Variants in PREX1 observed in about 807,000 individuals in gnomAD.
PREX1 encodes phosphatidylinositol 3,4,5-trisphosphate-dependent Rac exchanger 1 protein.
In PREX1, 41 loss-of-function variants were observed where a neutral mutation model predicts 198.3. That is an observed-to-expected ratio of 0.21 (90% confidence interval 0.16 to 0.27). PREX1 has a LOEUF of 0.27. Ranked by LOEUF, PREX1 falls within the 10% of genes least tolerant of loss-of-function variation. The pLI, the probability that PREX1 is intolerant of heterozygous loss-of-function variation, is 1.00. For synonymous variants in PREX1, 843 were observed against 887.2 expected, an observed-to-expected ratio of 0.95 and a Z score of 0.89; for missense variants, 1,620 against 2,200.7, an observed-to-expected ratio of 0.74 and a Z score of 5.28.
the PREX1 span, among the ~76,000 whole-genome samples, chr20:48,846,005 T>C: frequency 6.6e-6 from 1 of 152,188 alleles, no homozygotes; most frequent in Non-Finnish European, 1.5e-5. Context: ...GCTAACACTT[T>C]GATAGTAGAT....
rs1010591409 is a variant in PREX1 at position 48,827,979 on chromosome 20, C to T, written c.-119G>A. 13 of 265,536 alleles carry T rather than the reference C, an allele frequency of 4.9e-5. No individual in the cohort carries two copies. Among genetic ancestry groups the T allele is most frequent in the Non-Finnish European group, 6.3e-5 (11 of 175,068 alleles). 16.4% of individuals were successfully genotyped at this position (265,536 alleles called of 1,614,324 possible). ...GCCGGGCTCAGCGGCGGGCCGGGCTCCCGGCGCGGCGGGCGGGACTGGGGG... is the reference window on the plus strand; with the variant it reads ...GCCGGGCTCAGCGGCGGGCCGGGCTTCCGGCGCGGCGGGCGGGACTGGGGG... On this transcript the variant is annotated 5_prime_UTR_variant, in exon 1 of 40. Transcript: ENST00000371941. The surrounding 1 kb of genome is among the most constrained non-coding windows in gnomAD (Gnocchi z 4.1).
At chr20:48,631,348 G>C (rs1293663191) in intron 35 of PREX1, among the ~76,000 whole-genome samples, 1 of 152,186 alleles carries the variant, frequency 6.6e-6, no homozygotes, top group East Asian at 1.9e-4. Context: ...AGACAAGGAG[G>C]GCCAGATTTT....
At chr20:48,870,516 G>A in the PREX1 span, among the ~76,000 whole-genome samples, 2 of 152,306 alleles carry the variant, frequency 1.3e-5, no homozygotes, top group South Asian at 2.1e-4. Context: ...GCAAAGTCAC[G>A]TGGAGCCTTT....
intron 1 of PREX1, among the ~76,000 whole-genome samples, chr20:48,812,794 C>T (rs2090442245): frequency 6.6e-6 from 1 of 152,128 alleles, no homozygotes; most frequent in Non-Finnish European, 1.5e-5. Context: ...CATGATCCAG[C>T]CCCCACATTT....
intron 1 of PREX1, among the ~76,000 whole-genome samples, chr20:48,755,214 C>T (rs1361687907): frequency 1.3e-5 from 2 of 152,118 alleles, no homozygotes; most frequent in Non-Finnish European, 2.9e-5. Flanking sequence ...CAAACAAGTA[C>T]ATAAAATATA....
chr20:48,772,845 G>A (rs1161567695), intron 1 of PREX1, among the ~76,000 whole-genome samples: 5 of 152,188 alleles, frequency 3.3e-5, no homozygotes, highest in South Asian at 4.1e-4. Context: ...AGGTCACTAC[G>A]TTCGCCGACC....
chr20:48,806,190 G>A, intron 1 of PREX1, among the ~76,000 whole-genome samples: 1 of 152,168 alleles, frequency 6.6e-6, no homozygotes, highest in Non-Finnish European at 1.5e-5. Flanking sequence ...TTGGGGGAGG[G>A]GCCAAACTGC....
chr20:48,802,994 G>A (rs540217766), intron 1 of PREX1, among the ~76,000 whole-genome samples: 55 of 152,318 alleles, frequency 3.6e-4, no homozygotes, highest in African/African-American at 9.6e-4. Flanking sequence ...TGGCATCAGC[G>A]TCTCATCTCC....
At chr20:48,641,530 G>C (rs753233851) in intron 29 of PREX1, among the ~76,000 whole-genome samples, 5 of 151,704 alleles carry the variant, frequency 3.3e-5, no homozygotes, top group Non-Finnish European at 5.9e-5. Flanking sequence ...CTCATACCTG[G>C]AATCCCAGCA....
chr20:48,742,110 C>G (rs928152579), intron 3 of PREX1, among the ~76,000 whole-genome samples: 1 of 152,112 alleles, frequency 6.6e-6, no homozygotes, highest in Non-Finnish European at 1.5e-5. Context: ...TCCTTGTGCC[C>G]GGGCATCACA....
At chr20:48,812,707 G>A (rs143565679) in intron 1 of PREX1, among the ~76,000 whole-genome samples, 163 of 152,236 alleles carry the variant, frequency 1.1e-3, no homozygotes, top group African/African-American at 3.8e-3. Context: ...TGAGGAAACC[G>A]AGGCACACAC....
intron 15 of PREX1, 45 bp from the exon 16 acceptor site, chr20:48,660,106 A>AAG: frequency 6.2e-7 from 1 of 1,605,384 alleles, no homozygotes; most frequent in Non-Finnish European, 8.5e-7. Context: ...TTCACAGGGA[A>AAG]AGTTTCAGCC....
the PREX1 span, among the ~76,000 whole-genome samples, chr20:48,879,525 G>A: frequency 6.6e-6 from 1 of 152,136 alleles, no homozygotes; most frequent in Non-Finnish European, 1.5e-5. Context: ...CACCTAAAAG[G>A]TTAACACCAG....
intron 1 of PREX1, among the ~76,000 whole-genome samples, chr20:48,821,080 TAGTCCC>T (rs2090482357): frequency 6.6e-6 from 1 of 152,146 alleles, no homozygotes; most frequent in South Asian, 2.1e-4. Flanking sequence ...CACGTGCCTG[TAGTCCC>T]AGCTATTCGG....
At chr20:48,886,147 G>A in the PREX1 span, among the ~76,000 whole-genome samples, 9 of 152,290 alleles carry the variant, frequency 5.9e-5, no homozygotes, top group Admixed American at 5.2e-4. Context: ...CAGTAGTAGG[G>A]GAGGTTGTGA....
At chr20:48,869,211 C>A in the PREX1 span, among the ~76,000 whole-genome samples, 4 of 152,010 alleles carry the variant, frequency 2.6e-5, no homozygotes, top group African/African-American at 9.7e-5. Flanking sequence ...CTATATGTAT[C>A]CTCATTATTT....
intron 5 of PREX1, among the ~76,000 whole-genome samples, chr20:48,710,535 A>G (rs892854753): frequency 2.0e-5 from 3 of 152,230 alleles, no homozygotes; most frequent in Non-Finnish European, 4.4e-5. Context: ...TGAGGCACAG[A>G]GAGGTCAGAC....
chr20:48,627,202 G>A (rs1235937876), intron 39 of PREX1, among the ~76,000 whole-genome samples: 2 of 151,870 alleles, frequency 1.3e-5, no homozygotes, highest in Non-Finnish European at 2.9e-5. Context: ...CTCAGGGTAG[G>A]GGGCACGGGG....
At chr20:48,659,846 A>C in intron 16 of PREX1, 73 bp downstream of exon 16, 1 of 1,600,016 alleles carries the variant, frequency 6.2e-7, no homozygotes, top group Non-Finnish European at 8.5e-7. Flanking sequence ...GTGCATAACC[A>C]GAAGGTCGCC....
Sources: gnomAD v4.1 joint callset for allele counts (sites outside exome capture counted in the v4.1 genomes callset) on GRCh38, gnomAD v4.1.1 for gene constraint, Gnocchi (gnomAD v3.1) non-coding constraint, MANE v1.5 for transcripts, NCBI Gene and HGNC (gene_info 2026-07-23, HGNC 2026-07-21) for gene names.